Variants in RPL3L observed in about 807,000 individuals in gnomAD.
RPL3L encodes the protein ribosomal protein L3 like.
Under a neutral mutation model 44.5 loss-of-function variants are expected in RPL3L, and 44 were observed. That is an observed-to-expected ratio of 0.99 (90% confidence interval 0.78 to 1.27). The LOEUF is 1.27. Ranked by LOEUF, RPL3L falls within the 50% of genes most tolerant of loss-of-function variation. The pLI is 0.00. For synonymous variants in RPL3L, 292 were observed against 230.7 expected (o/e 1.27, Z -2.41); for missense variants, 631 against 569.1 (o/e 1.11, Z -1.11).
At chr16:1,951,739 ATTAT>A (rs2083173407) in intron 3 of RPL3L, among the ~76,000 whole-genome samples, 1 of 144,938 alleles carries the variant, frequency 6.9e-6, no homozygotes, top group Non-Finnish European at 1.5e-5. Context: ...TATTATTATT[ATTAT>A]TATTATTATT....
intron 4 of RPL3L, among the ~76,000 whole-genome samples, chr16:1,948,509 C>T (rs1474338461): frequency 2.0e-5 from 3 of 151,964 alleles, no homozygotes; most frequent in African/African-American, 2.4e-5. Context: ...CAGGCATGAG[C>T]CACTGCACCT....
In RPL3L at chr16:1,944,754, C is replaced by A; in HGVS notation, c.*83G>T. 2.6e-5 allele frequency: 41 copies of A among 1,589,668 alleles called. No individual in the cohort carries two copies. The highest frequency in any genetic ancestry group is 3.5e-5 in the Non-Finnish European group (40 of 1,158,404). ...GCGGTTACACAGCGCTCTGAGACCTCGCAGGAAGAGTCGCCTCCGGCCTTT... is the reference window on the plus strand; with the variant it reads ...GCGGTTACACAGCGCTCTGAGACCTAGCAGGAAGAGTCGCCTCCGGCCTTT... On this transcript the variant is annotated 3_prime_UTR_variant, in exon 10 of 10. Transcript: ENST00000268661.
At position 1,947,208 on chromosome 16, in the gene RPL3L, C is replaced by G; in HGVS notation, c.674G>C (p.Gly225Ala). 1 of 1,612,948 alleles carries G rather than the reference C, an allele frequency of 6.2e-7. No homozygotes were observed. Among genetic ancestry groups the G allele is most frequent in the South Asian group, 1.1e-5 (1 of 91,040 alleles). ...CTGAGCCCTACCTTTGACGCCTCGA[C>G]CCTTGGTGACAGCAATGACATCAAT... ...EVIDVIAVTK[G>A]RGVKGVTSRW... The change falls in exon 5 of 10, where the codon GGT (glycine) becomes GCT (alanine). Residue 225 changes from glycine to alanine, a missense_variant. By Grantham distance (60) the Gly-to-Ala change is moderately conservative (BLOSUM62 0). Transcript: ENST00000268661.
Position 1,945,618 on chromosome 16 carries a change from A to T in RPL3L, c.1048T>A (p.Ser350Thr). 1 of 1,613,766 alleles carries T rather than the reference A, an allele frequency of 6.2e-7. No individual in the cohort carries two copies. Among genetic ancestry groups the T allele is most frequent in the Non-Finnish European group, 8.5e-7 (1 of 1,179,938 alleles). ...TKKRVITLRK[S>T]LLVHHSRQAV... is the part of the protein sequence containing the mutation. The stretch of plus-strand genomic sequence containing the variant: ...TGGCGACTGTGATGCACCAGGAGGG[A>T]CTGGGGAATCCATGGTAAAGTAAAC... Residue 350 changes from serine (S) to threonine (T), a missense_variant and splice_region_variant, in exon 9 of 10, where the codon TCC (serine) becomes ACC (threonine). Ser to Thr is a moderately conservative substitution (Grantham distance 58). Coordinates refer to ENST00000268661, the MANE Select transcript of RPL3L (RefSeq NM_005061.3).
Position 1,945,863 on chromosome 16 carries a change from G to C in RPL3L, c.1019C>G (p.Thr340Ser). ...FVMLKGCIAG[T>S]KKRVITLRKS... ...TCTCAGCGTAATGACCCGCTTCTTG[G>C]TACCAGCAATACAACCCTTCAGCAT... The change falls in exon 8 of 10, where the codon ACC becomes AGC. Residue 340 changes from threonine (T) to serine (S), a missense_variant. By Grantham distance (58) the Thr-to-Ser change is moderately conservative. Coordinates refer to ENST00000268661, the MANE Select transcript of RPL3L (RefSeq NM_005061.3). 3 of 1,613,986 alleles carry C rather than the reference G, an allele frequency of 1.9e-6. No homozygotes were observed. Among genetic ancestry groups the C allele is most frequent in the Non-Finnish European group, 2.5e-6 (3 of 1,179,990 alleles).
In RPL3L at chr16:1,944,859, G is replaced by C. The variant is rs143300441; in HGVS notation, c.1202C>G (p.Pro401Arg). ...AGCCTACAAGTCTCCCGAGGTCTCC[G>C]GCGTTTCCTTCTCCAGATGCTTCTT... ...PQKKHLEKET[P>R]ETSGDL is the part of the protein sequence containing the mutation. Residue 401 changes from proline to arginine, a missense_variant, in exon 10 of 10, where the codon CCG (proline) becomes CGG (arginine). By Grantham distance (103) the Pro-to-Arg change is moderately radical. Transcript: ENST00000268661. 1 of 1,614,016 alleles carries C rather than the reference G, an allele frequency of 6.2e-7. No individual in the cohort carries two copies. Among genetic ancestry groups the C allele is most frequent in the East Asian group, 2.2e-5 (1 of 44,868 alleles).
intron 4 of RPL3L, 45 bp downstream of exon 4, chr16:1,950,799 G>A (rs980927971): frequency 3.1e-6 from 5 of 1,612,798 alleles, no homozygotes; most frequent in Admixed American, 3.3e-5. Context: ...GGGTGAGGGA[G>A]CGTGGTCCTA....
At chr16:1,953,140 G>A in intron 2 of RPL3L, 98 bp from the exon 3 acceptor site, 1 of 1,316,220 alleles carries the variant, frequency 7.6e-7, no homozygotes, top group Admixed American at 2.5e-5. Context: ...ACAGGAGAGT[G>A]TGGGGCCAGC....
intron 4 of RPL3L, among the ~76,000 whole-genome samples, chr16:1,948,495 G>A (rs2083142472): frequency 6.6e-6 from 1 of 151,798 alleles, no homozygotes; most frequent in Non-Finnish European, 1.5e-5. Flanking sequence ...AAAGTGCTAG[G>A]GTTCAGGCAT....
Position 1,946,702 on chromosome 16 carries a change from G to A in RPL3L, c.874C>T (p.His292Tyr). ...TTCACCAGCTTCCCGTCCTCCATGT[G>A]CGGGCCCCTGCCGATGCGGAAGATC... Reference protein sequence around the residue: ...KKIFRIGRGPHMEDGKLVKNN... With the variant: ...KKIFRIGRGPYMEDGKLVKNN... Residue 292 changes from histidine to tyrosine, a missense_variant, in exon 7 of 10, where the codon CAC becomes TAC. Coordinates refer to ENST00000268661, the MANE Select transcript of RPL3L (RefSeq NM_005061.3). 6.2e-7 allele frequency: 1 copy of A among 1,612,606 alleles called. No homozygotes were observed. The highest frequency in any genetic ancestry group is 8.5e-7 in the Non-Finnish European group (1 of 1,179,952).
Position 1,952,880 on chromosome 16 carries a change from T to C in RPL3L, c.359A>G (p.Lys120Arg), listed in dbSNP as rs979096869. ...LSDECRRRFY[K>R]DWHKSKKKAF... ...AGCCAAGGGCGGTGCTCACCAGTCC[T>C]TGTAGAATCGGCGCCGGCACTCATC... Residue 120 changes from lysine (K) to arginine (R), a missense_variant, in exon 3 of 10, where the codon AAG becomes AGG. Physicochemically the swap from Lys to Arg is conservative, Grantham distance 26 (BLOSUM62 2). Transcript: ENST00000268661. 1 of 1,613,836 alleles carries C rather than the reference T, an allele frequency of 6.2e-7. No homozygotes were observed. Among genetic ancestry groups the C allele is most frequent in the African/African-American group, 1.3e-5 (1 of 75,050 alleles).
In RPL3L at chr16:1,947,070, C is replaced by A; in HGVS notation, c.717G>T (p.Lys239Asn). 6.2e-7 allele frequency: 1 copy of A among 1,613,702 alleles called. No homozygotes were observed. The highest frequency in any genetic ancestry group is 1.7e-5 in the Admixed American group (1 of 60,020). ...GGCCCTTATGGGTCTTCCGCGGCAG[C>A]TTCTTGGTATGCCAGCGGCTTGTGA... ...KGVTSRWHTK[K>N]LPRKTHKGLR... The change falls in exon 6 of 10, where the codon AAG becomes AAT. Residue 239 changes from lysine (K) to asparagine (N), a missense_variant. By Grantham distance (94) the Lys-to-Asn change is moderately conservative (BLOSUM62 0). Transcript: ENST00000268661.
intron 4 of RPL3L, among the ~76,000 whole-genome samples, chr16:1,948,057 C>A (rs2083138503): frequency 6.6e-6 from 1 of 151,304 alleles, no homozygotes; most frequent in Non-Finnish European, 1.5e-5. Flanking sequence ...CCTGCCTCAG[C>A]CTCCTGAGTA....
chr16:1,950,916 T>A lies in RPL3L; in HGVS notation c.429A>T (p.Lys143Asn). 6.2e-7 allele frequency: 1 copy of A among 1,614,052 alleles called. No individual in the cohort carries two copies. Among genetic ancestry groups the A allele is most frequent in the Non-Finnish European group, 8.5e-7 (1 of 1,179,966 alleles). Residue 143 changes from lysine (K) to asparagine (N), a missense_variant, in exon 4 of 10, where the codon AAA becomes AAT. Lys to Asn is a moderately conservative substitution (Grantham distance 94, BLOSUM62 0). Transcript: ENST00000268661. ...ACKRWRDTDG[K>N]KQLQKDFAAM... ...CGGCGAAGTCCTTCTGTAGCTGCTT[T>A]TTCCCGTCTGTGTCCCGCCACCTCT...
intron 9 of RPL3L, 67 bp from the exon 10 acceptor site, chr16:1,944,960 AG>A (rs1351349264): frequency 3.1e-6 from 5 of 1,601,406 alleles, no homozygotes; most frequent in Non-Finnish European, 4.3e-6. Flanking sequence ...TCCCCCAGCC[AG>A]GCTCTAGATC....
rs201864074 is a variant in RPL3L at position 1,954,141 on chromosome 16, C to A, written c.11G>T (p.Arg4Leu). Residue 4 changes from arginine to leucine, a missense_variant, in exon 2 of 10, where the codon CGG (arginine) becomes CTG (leucine). Arg to Leu is a moderately radical substitution (Grantham distance 102). Coordinates refer to ENST00000268661, the MANE Select transcript of RPL3L (RefSeq NM_005061.3). MSHRKFSAPRHGHL... is the reference protein window; with the variant it reads MSHLKFSAPRHGHL... ...TCCGTGCCGAGGGGCGGAAAACTTCCGGTGGGACTGGGGGGCAGGAAGGAA... is the reference window on the plus strand; with the variant it reads ...TCCGTGCCGAGGGGCGGAAAACTTCAGGTGGGACTGGGGGGCAGGAAGGAA... The A allele has an allele frequency of 6.3e-7, 1 of 1,581,036 alleles. No homozygotes were observed. Among genetic ancestry groups the A allele is most frequent in the Non-Finnish European group, 8.6e-7 (1 of 1,163,248 alleles).
chr16:1,951,018 C>A lies in RPL3L; in HGVS notation c.366-39G>T, dbSNP rs779464047. The A allele has an allele frequency of 3.1e-6, 5 of 1,604,820 alleles. No individual in the cohort carries two copies. The Admixed American group carries it at 8.4e-5, about 27-fold the overall frequency. On this transcript the variant is annotated intron_variant, in intron 3 of 9. Coordinates refer to ENST00000268661, the MANE Select transcript of RPL3L (RefSeq NM_005061.3). ...AGGAGGGTGCTCAGAAGCCCCCAACCGGGGCAGCTCCCCAGGCCTATCCTG... is the reference window on the plus strand; with the variant it reads ...AGGAGGGTGCTCAGAAGCCCCCAACAGGGGCAGCTCCCCAGGCCTATCCTG...
chr16:1,944,842 A>G lies in RPL3L; in HGVS notation c.1219T>C (p.Leu407=), dbSNP rs760442135. The part of the protein sequence containing the change: ...EKETPETSGD[L] ...GTTCATCCACCCCACACAGCCTACA[A>G]GTCTCCCGAGGTCTCCGGCGTTTCC... The change falls in exon 10 of 10, where the codon TTG becomes CTG. Residue 407 remains leucine (L), a synonymous_variant. Transcript: ENST00000268661. 4.3e-6 allele frequency: 7 copies of G among 1,614,020 alleles called. No individual in the cohort carries two copies. In the East Asian group the frequency reaches 1.6e-4, roughly 36 times the overall value.
chr16:1,947,186 A>G lies in RPL3L; in HGVS notation c.688+8T>C, dbSNP rs1026067431. 1.2e-6 allele frequency: 2 copies of G among 1,612,536 alleles called. No homozygotes were observed. Among genetic ancestry groups the G allele is most frequent in the African/African-American group, 1.3e-5 (1 of 74,860 alleles). On this transcript the variant is annotated splice_region_variant and intron_variant, in intron 5 of 9. Transcript: ENST00000268661. ...TGCCCTGGAGCTGCCATCCTCACTG[A>G]GCCCTACCTTTGACGCCTCGACCCT...
Sources: allele counts gnomAD v4.1 joint callset (sites outside exome capture counted in the v4.1 genomes callset), GRCh38; gene constraint gnomAD v4.1.1; transcripts MANE v1.5; gene names NCBI Gene and HGNC (gene_info 2026-07-23, HGNC 2026-07-21).